The following CAMK1D variants were observed in gnomAD, a reference collection of about 807,000 sequenced individuals.
CAMK1D encodes the protein calcium/calmodulin dependent protein kinase ID, also known as calcium/calmodulin-dependent protein kinase type 1D.
CAMK1D carries 9 observed loss-of-function variants against 47.7 expected under a neutral mutation model. The observed-to-expected ratio is 0.19, with a 90% confidence interval of 0.11 to 0.33. CAMK1D has a LOEUF of 0.33. CAMK1D is among the 10% of genes least tolerant of loss of function. The pLI, the probability that CAMK1D is intolerant of heterozygous loss-of-function variation, is 1.00. For synonymous variants in CAMK1D, 184 were observed against 184.9 expected, an observed-to-expected ratio of 0.99 and a Z score of 0.04; for missense variants, 291 against 488.7, an observed-to-expected ratio of 0.60 and a Z score of 3.81.
chr10:12,746,310 G>T (rs1354525565), intron 3 of CAMK1D, among the ~76,000 whole-genome samples: 3 of 142,494 alleles, frequency 2.1e-5, no homozygotes, highest in African/African-American at 8.3e-5. Context: ...CTTGCAGTGA[G>T]CCCAGATCTC....
At chr10:12,505,037 C>T (rs548761617) in intron 1 of CAMK1D, among the ~76,000 whole-genome samples, 1 of 152,352 alleles carries the variant, frequency 6.6e-6, no homozygotes, top group African/African-American at 2.4e-5. Flanking sequence ...GACAGCAGGG[C>T]AGTCAGGTAC....
At chr10:12,808,022 G>A (rs545877290) in intron 6 of CAMK1D, among the ~76,000 whole-genome samples, 3 of 152,328 alleles carry the variant, frequency 2.0e-5, no homozygotes, top group East Asian at 1.9e-4. Context: ...CAGCTCACAT[G>A]CCGCACCGCA....
chr10:12,361,901 C>T (rs1168602714), intron 1 of CAMK1D, among the ~76,000 whole-genome samples: 2 of 152,048 alleles, frequency 1.3e-5, no homozygotes, highest in Non-Finnish European at 2.9e-5. Flanking sequence ...CTCCTCCAGC[C>T]ATTGAATATA....
intron 3 of CAMK1D, among the ~76,000 whole-genome samples, chr10:12,711,850 T>C (rs1833949452): frequency 6.6e-6 from 1 of 152,224 alleles, no homozygotes; most frequent in South Asian, 2.1e-4. Flanking sequence ...CGTTTTTCAA[T>C]ATGCCATGAA....
At chr10:12,486,162 T>TC (rs1834207253) in intron 1 of CAMK1D, among the ~76,000 whole-genome samples, 1 of 66,226 alleles carries the variant, frequency 1.5e-5, no homozygotes. Flanking sequence ...CTTGCCAGTC[T>TC]CTTTTTTTTT....
chr10:12,500,738 T>C (rs1834676282), intron 1 of CAMK1D, among the ~76,000 whole-genome samples: 1 of 152,248 alleles, frequency 6.6e-6, no homozygotes, highest in Non-Finnish European at 1.5e-5. Flanking sequence ...ACCTCCTTTT[T>C]ATTAGACATG....
intron 1 of CAMK1D, among the ~76,000 whole-genome samples, chr10:12,457,997 A>G (rs1833307569): frequency 6.6e-6 from 1 of 152,126 alleles, no homozygotes. Flanking sequence ...TCATGTAGAA[A>G]AGCAAGTCAG....
chr10:12,826,033 A>C (rs921116448), intron 10 of CAMK1D: 1 of 248,344 alleles, frequency 4.0e-6, no homozygotes, highest in African/African-American at 2.2e-5. Flanking sequence ...GCTACTTGGG[A>C]GGCTGAGGCA....
At chr10:12,667,705 G>T (rs1288984778) in intron 3 of CAMK1D, among the ~76,000 whole-genome samples, 1 of 152,168 alleles carries the variant, frequency 6.6e-6, no homozygotes, top group Admixed American at 6.5e-5. Context: ...ATTTATTAAT[G>T]ATTTTGAGAC....
intron 1 of CAMK1D, among the ~76,000 whole-genome samples, chr10:12,384,296 A>T (rs1230582984): frequency 6.6e-6 from 1 of 152,232 alleles, no homozygotes; most frequent in Non-Finnish European, 1.5e-5. Context: ...TAATCTATAG[A>T]TTAAACACAA....
At chr10:12,379,816 C>T (rs1243945891) in intron 1 of CAMK1D, among the ~76,000 whole-genome samples, 1 of 152,112 alleles carries the variant, frequency 6.6e-6, no homozygotes, top group Non-Finnish European at 1.5e-5. Context: ...TTTTACCATT[C>T]AGATTCATGG....
intron 3 of CAMK1D, among the ~76,000 whole-genome samples, chr10:12,752,254 C>A (rs553530607): frequency 6.6e-6 from 1 of 152,228 alleles, no homozygotes; most frequent in South Asian, 2.1e-4. Context: ...CGGACAGCAC[C>A]CAGAGTGCTG....
rs557753199 is a variant in CAMK1D at position 12,512,877 on chromosome 10, A to G, written c.93-40348A>G. ...AAAGCAAGCCGACCACATGGGGCTA[A>G]TATTGACAGTTCCCATAATAGATGG... On this transcript the variant is annotated intron_variant, in intron 1 of 10. Transcript: ENST00000619168. 6.6e-5 allele frequency among the ~76,000 whole-genome samples: 10 copies of G among 152,310 alleles called. No homozygotes were observed. In the South Asian group the frequency reaches 1.0e-3, roughly 16 times the overall value.
chr10:12,367,501 CTAT>C (rs979882521), intron 1 of CAMK1D, among the ~76,000 whole-genome samples: 3 of 151,514 alleles, frequency 2.0e-5, no homozygotes, highest in African/African-American at 7.3e-5. Context: ...TTATTTATTC[CTAT>C]TATTATATTA....
At chr10:12,687,079 A>G (rs144624571) in intron 3 of CAMK1D, among the ~76,000 whole-genome samples, 9 of 152,300 alleles carry the variant, frequency 5.9e-5, no homozygotes, top group African/African-American at 2.2e-4. Context: ...GATTGAGAGA[A>G]GGAGGTAGGT....
rs142503117 is a variant in CAMK1D at position 12,819,372 on chromosome 10, C to T, written c.833+3044C>T. Among the ~76,000 whole-genome samples, 13 of 152,258 alleles carry T rather than the reference C, an allele frequency of 8.5e-5. No homozygotes were observed. The East Asian group carries it at 1.7e-3, about 20-fold the overall frequency. ...CATGGTATTCCAGAGTAGGAGAGGA[C>T]GCAGGAGACAGGAAATGAGACTGGG... On this transcript the variant is annotated intron_variant, in intron 8 of 10. Transcript: ENST00000619168.
intron 8 of CAMK1D, among the ~76,000 whole-genome samples, chr10:12,819,447 C>T (rs915560615): frequency 4.6e-5 from 7 of 152,152 alleles, no homozygotes; most frequent in Non-Finnish European, 1.0e-4. Context: ...CTGGCCTGCT[C>T]GGCTCTTAAG....
intron 4 of CAMK1D, 145 bp downstream of exon 4, chr10:12,761,231 G>A: frequency 1.1e-6 from 1 of 948,418 alleles, no homozygotes; most frequent in Non-Finnish European, 1.5e-6. Context: ...ACTTTGAGTT[G>A]TCAGGGCCTT....
At chr10:12,454,007 G>T (rs560886776) in intron 1 of CAMK1D, among the ~76,000 whole-genome samples, 21 of 152,262 alleles carry the variant, frequency 1.4e-4, no homozygotes, top group African/African-American at 4.6e-4. Flanking sequence ...CTCTGGGGGG[G>T]CTGTTGAAAC....
Sources: allele counts gnomAD v4.1 joint callset (sites outside exome capture counted in the v4.1 genomes callset), GRCh38; gene constraint gnomAD v4.1.1; transcripts MANE v1.5; gene names NCBI Gene and HGNC (gene_info 2026-07-23, HGNC 2026-07-21).